SHOC1: variants seen among roughly 807,000 people sequenced by gnomAD.
SHOC1 encodes protein shortage in chiasmata 1 ortholog.
In SHOC1, 136 loss-of-function variants were observed where a neutral mutation model predicts 179.2. The observed-to-expected ratio is 0.76, with a 90% CI of 0.66 to 0.87. The LOEUF (loss-of-function observed/expected upper bound fraction) is 0.87, where lower values mean the gene tolerates loss of function less well. Among genes scored for constraint, SHOC1 ranks in the 40% least tolerant of loss-of-function variants. SHOC1 has a pLI of 0.00. For synonymous variants in SHOC1, 489 were observed against 586.6 expected, an observed-to-expected ratio of 0.83 and a Z score of 2.41; for missense variants, 1,538 against 1,700.8, an observed-to-expected ratio of 0.90 and a Z score of 1.68.
Position 111,693,843 on chromosome 9 carries a change from GAC to G in SHOC1, c.3419_3420del (p.Cys1140SerfsTer8). ...SLHWILLATL[C>X]QLQELLPEVP... Reference sequence around the variant, plus strand: ...ACTTCAGGTAGGAGTTCCTGAAGTTGACACAGAGTTGCTAATAATATCCAATG... The same window carrying G: ...ACTTCAGGTAGGAGTTCCTGAAGTTGACAGAGTTGCTAATAATATCCAATG... On this transcript the variant is annotated frameshift_variant, in exon 26 of 28. Transcript: ENST00000682961. LOFTEE classifies it high-confidence loss of function. 1.2e-6 allele frequency: 2 copies of G among 1,611,210 alleles called. No individual in the cohort carries two copies. Among genetic ancestry groups the G allele is most frequent in the South Asian group, 1.1e-5 (1 of 90,680 alleles).
intron 10 of SHOC1, among the ~76,000 whole-genome samples, chr9:111,742,647 TTC>T (rs1159075628): frequency 6.6e-6 from 1 of 152,214 alleles, no homozygotes; most frequent in Admixed American, 6.5e-5. Context: ...ACTGATTGTA[TTC>T]TGTTTCTCTG....
chr9:111,763,376 A>G (rs1835221084), intron 5 of SHOC1, among the ~76,000 whole-genome samples: 1 of 152,118 alleles, frequency 6.6e-6, no homozygotes, highest in Admixed American at 6.5e-5. Flanking sequence ...AGCACACGCC[A>G]TTGTGAAATT....
chr9:111,732,308 G>T (rs1034449087), intron 12 of SHOC1, among the ~76,000 whole-genome samples: 2 of 152,150 alleles, frequency 1.3e-5, no homozygotes, highest in Non-Finnish European at 2.9e-5. Context: ...GTGTGGCCTG[G>T]CATGGTGGCT....
In SHOC1 at chr9:111,791,393, G is replaced by A; in HGVS notation, c.26C>T (p.Ala9Val). The change falls in exon 2 of 28, where the codon GCA becomes GTA. Residue 9 changes from alanine (A) to valine (V), a missense_variant. Physicochemically the swap from Ala to Val is moderately conservative, Grantham distance 64 (BLOSUM62 0). Coordinates refer to ENST00000682961, the MANE Select transcript of SHOC1 (RefSeq NM_001378211.1). The stretch of plus-strand genomic sequence containing the variant: ...CTCTACCTCATATAAATAGTCTATT[G>A]CATGATATTTCAATGCTGAAAACAT... MFSALKYH[A>V]IDYLYENVVR... is the part of the protein sequence containing the mutation. 6.8e-7 allele frequency: 1 copy of A among 1,478,242 alleles called. No individual in the cohort carries two copies. Among genetic ancestry groups the A allele is most frequent in the Non-Finnish European group, 9.0e-7 (1 of 1,110,242 alleles). The allele number at this position is 1,478,242 out of a possible 1,614,324, so 91.6% of individuals were successfully genotyped here. A position where few individuals can be genotyped will look rare whatever the true frequency, so the allele number is the denominator to read the frequency against.
At chr9:111,768,539 T>C (rs1835444231) in intron 5 of SHOC1, among the ~76,000 whole-genome samples, 1 of 152,232 alleles carries the variant, frequency 6.6e-6, no homozygotes, top group Admixed American at 6.5e-5. Context: ...TTTTGTGTTC[T>C]GCAACTTTAC....
chr9:111,718,028 T>G (rs1832873195), intron 16 of SHOC1, among the ~76,000 whole-genome samples, 156 bp downstream of exon 16: 4 of 152,196 alleles, frequency 2.6e-5, no homozygotes, highest in Admixed American at 2.6e-4. Flanking sequence ...ATGTATATAT[T>G]TCATTAGAAT....
At chr9:111,759,443 T>G in intron 5 of SHOC1, 1 of 1,302,572 alleles carries the variant, frequency 7.7e-7, no homozygotes, top group South Asian at 2.9e-5. Flanking sequence ...TAAGAAACAC[T>G]ACTGCTAACA....
At chr9:111,782,818 T>C (rs1228051221) in intron 3 of SHOC1, among the ~76,000 whole-genome samples, 1 of 152,206 alleles carries the variant, frequency 6.6e-6, no homozygotes, top group African/African-American at 2.4e-5. Flanking sequence ...TTAGTGTCCA[T>C]TCCATTATCC....
chr9:111,699,824 A>G (rs1831876767), intron 24 of SHOC1, 130 bp downstream of exon 24: 3 of 528,542 alleles, frequency 5.7e-6, no homozygotes, highest in Admixed American at 6.3e-5. Flanking sequence ...TTTGAAAACT[A>G]TTCTTTATTT....
chr9:111,755,056 T>C (rs1292524312), intron 8 of SHOC1, among the ~76,000 whole-genome samples: 1 of 152,228 alleles, frequency 6.6e-6, no homozygotes, highest in Admixed American at 6.5e-5. Context: ...CCCCCTGACC[T>C]TTCAATAATG....
In SHOC1 at chr9:111,790,197, A is replaced by G. The variant is rs564748614; in HGVS notation, c.45+1177T>C. Among the ~76,000 whole-genome samples the G allele has an allele frequency of 1.1e-3, 165 of 152,308 alleles. 1 individual carries two copies. The highest frequency in any genetic ancestry group is 0.01 in the Middle Eastern group (3 of 294). On this transcript the variant is annotated intron_variant, in intron 2 of 27. Transcript: ENST00000682961. ...GTAAAATAATAGTATCTGCCTCATG[A>G]AGTACTTATGATGATAAAATCATAG... is the stretch of plus-strand genomic sequence containing the variant.
At chr9:111,728,544 C>T (rs930459024) in intron 12 of SHOC1, among the ~76,000 whole-genome samples, 4 of 152,070 alleles carry the variant, frequency 2.6e-5, no homozygotes, top group Non-Finnish European at 5.9e-5. Context: ...ACAAAATAGA[C>T]GAATCTTGAA....
Position 111,705,346 on chromosome 9 carries a change from C to A in SHOC1, c.2756G>T (p.Arg919Ile). Residue 919 changes from arginine to isoleucine, a missense_variant, in exon 21 of 28, where the codon AGA (arginine) becomes ATA (isoleucine). Physicochemically the swap from Arg to Ile is moderately conservative, Grantham distance 97. Coordinates refer to ENST00000682961, the MANE Select transcript of SHOC1 (RefSeq NM_001378211.1). ...TVLERSTLLD[R>I]FGGFLLEIQI... ...AATTTCCAAAAGAAAACCTCCAAAT[C>A]TATCCAGCAAGGTGCTTCCTAAATA... 6.4e-7 allele frequency: 1 copy of A among 1,560,614 alleles called. No individual in the cohort carries two copies. Among genetic ancestry groups the A allele is most frequent in the South Asian group, 1.2e-5 (1 of 82,276 alleles).
At chr9:111,794,350 G>A (rs538474203) in intron 1 of SHOC1, among the ~76,000 whole-genome samples, 3 of 151,686 alleles carry the variant, frequency 2.0e-5, no homozygotes, top group South Asian at 2.1e-4. Context: ...TCGGGAGGCC[G>A]AGGCGGGTGG....
At chr9:111,709,291 G>A (rs994860389) in intron 18 of SHOC1, among the ~76,000 whole-genome samples, 1 of 152,192 alleles carries the variant, frequency 6.6e-6, no homozygotes, top group East Asian at 1.9e-4. Context: ...GCAGTAAGCC[G>A]AGATCGTGCC....
At position 111,713,110 on chromosome 9, in the gene SHOC1, G is replaced by C. The variant is rs761779358; in HGVS notation, c.2478C>G (p.Asn826Lys). 6.4e-7 allele frequency: 1 copy of C among 1,558,920 alleles called. No individual in the cohort carries two copies. The highest frequency in any genetic ancestry group is 8.8e-7 in the Non-Finnish European group (1 of 1,134,756). ...TTTAAAACTGCCTACCTTCTATTTT[G>C]TTAAGAATTTTAATGAGAAAATGTT... ...GEKHFLIKIL[N>K]KIEGLTLTVL... is the part of the protein sequence containing the mutation. Residue 826 changes from asparagine (N) to lysine (K), a missense_variant, in exon 18 of 28, where the codon AAC becomes AAG. Physicochemically the swap from Asn to Lys is moderately conservative, Grantham distance 94 (BLOSUM62 0). Coordinates refer to ENST00000682961, the MANE Select transcript of SHOC1 (RefSeq NM_001378211.1).
Position 111,722,411 on chromosome 9 carries a change from T to C in SHOC1, c.2129A>G (p.Gln710Arg), listed in dbSNP as rs750374421. ...ACGTGACTTTTATTTGTACTCACCT[T>C]GGCGAACAGCATCACTTACTACTTT... ...QEKVVSDAVR[Q>R]GTIDEREMTF... The change falls in exon 15 of 28, where the codon CAA becomes CGA. Residue 710 changes from glutamine (Q) to arginine (R), a missense_variant and splice_region_variant. Physicochemically the swap from Gln to Arg is conservative, Grantham distance 43 (BLOSUM62 1). Coordinates refer to ENST00000682961, the MANE Select transcript of SHOC1 (RefSeq NM_001378211.1). The C allele has an allele frequency of 1.9e-6, 3 of 1,589,446 alleles. No individual in the cohort carries two copies. In the South Asian group the frequency reaches 3.5e-5, roughly 19 times the overall value.
In SHOC1 at chr9:111,700,043, G is replaced by A. The variant is rs757798818; in HGVS notation, c.3094C>T (p.Leu1032=). The change falls in exon 24 of 28, where the codon CTG becomes TTG. Residue 1032 remains leucine (L), a synonymous_variant. Coordinates refer to ENST00000682961, the MANE Select transcript of SHOC1 (RefSeq NM_001378211.1). ...YTKETLNSEY[L]LTEKTLHHLA... ...TGATGAAGTGTCTTTTCTGTAAGCA[G>A]ATACCTACAAAGAATTATATTACTA... is the stretch of plus-strand genomic sequence containing the variant. 1.3e-6 allele frequency: 2 copies of A among 1,499,436 alleles called. No homozygotes were observed. Among genetic ancestry groups the A allele is most frequent in the Non-Finnish European group, 1.8e-6 (2 of 1,085,154 alleles). The allele number at this position is 1,499,436 out of a possible 1,614,324, so 92.9% of individuals were successfully genotyped here. A position where few individuals can be genotyped will look rare whatever the true frequency, so the allele number is the denominator to read the frequency against.
chr9:111,754,949 G>A (rs964808392), intron 8 of SHOC1, among the ~76,000 whole-genome samples: 6 of 152,184 alleles, frequency 3.9e-5, no homozygotes, highest in Admixed American at 6.5e-5. Context: ...AGGATGTTAT[G>A]GCTTGAGATA....
Sources: allele counts gnomAD v4.1 joint callset (sites outside exome capture counted in the v4.1 genomes callset), GRCh38; gene constraint gnomAD v4.1.1; transcripts MANE v1.5; gene names NCBI Gene and HGNC (gene_info 2026-07-23, HGNC 2026-07-21).